CASZ1: variants seen among roughly 807,000 people sequenced by gnomAD.
CASZ1 encodes the protein castor zinc finger 1, also known as zinc finger protein castor homolog 1.
CASZ1 carries 28 observed loss-of-function variants against 135.2 expected under a neutral mutation model. The ratio of observed to expected loss-of-function variants is 0.21; its 90% CI spans 0.15 to 0.28. The LOEUF is 0.28. Among genes scored for constraint, CASZ1 ranks in the 10% least tolerant of loss-of-function variants. The pLI is 1.00. For synonymous variants in CASZ1, 1,068 were observed against 1,073.4 expected, an observed-to-expected ratio of 0.99 and a Z score of 0.10; for missense variants, 2,161 against 2,453.3, an observed-to-expected ratio of 0.88 and a Z score of 2.52.
intron 2 of CASZ1, among the ~76,000 whole-genome samples, chr1:10,746,801 C>G (rs1412686184): frequency 6.6e-6 from 1 of 152,232 alleles, no homozygotes. Context: ...AGAAAAAGCT[C>G]AGATCTGGAG....
intron 2 of CASZ1, among the ~76,000 whole-genome samples, chr1:10,736,707 G>A (rs1204849099): frequency 6.6e-6 from 1 of 152,232 alleles, no homozygotes; most frequent in Non-Finnish European, 1.5e-5. Context: ...GCCAGGCCAC[G>A]TGGGAAATAA....
rs1270421667 is a variant in CASZ1 at position 10,647,945 on chromosome 1, G to A, written c.3353C>T (p.Ala1118Val). The A allele has an allele frequency of 4.3e-6, 7 of 1,612,936 alleles. No individual in the cohort carries two copies. The highest frequency in any genetic ancestry group is 5.9e-6 in the Non-Finnish European group (7 of 1,179,498). Residue 1118 changes from alanine to valine, a missense_variant, in exon 16 of 21, where the codon GCC becomes GTC. Ala to Val is a moderately conservative substitution (Grantham distance 64). Transcript: ENST00000377022. The surrounding 1 kb of genome is among the most constrained non-coding windows in gnomAD (Gnocchi z 4.9). ...TATGGTGGAAGCCAGCTGCTTCCAG[G>A]CGAGCAGGGTGGGGGTGGAGGGCAC... is the stretch of plus-strand genomic sequence containing the variant. Reference protein sequence around the residue: ...ASVPSTPTLLAWKQLASTIPQ... With the variant: ...ASVPSTPTLLVWKQLASTIPQ...
chr1:10,640,192 G>A (rs1386378583), intron 20 of CASZ1, 133 bp from the exon 21 acceptor site: 4 of 1,335,176 alleles, frequency 3.0e-6, no homozygotes, highest in Admixed American at 4.9e-5. Flanking sequence ...GGCTTCCCCT[G>A]GCTTGGGAGG....
intron 4 of CASZ1, among the ~76,000 whole-genome samples, chr1:10,672,338 C>T (rs932412464): frequency 2.0e-5 from 3 of 151,816 alleles, no homozygotes; most frequent in Non-Finnish European, 2.9e-5. Flanking sequence ...AACGACTTTC[C>T]GATTCACTGC....
rs1191024983 is a variant in CASZ1, at chr1:10,776,979, T to C, written c.-233-16122A>G. On this transcript the variant is annotated intron_variant, in intron 1 of 20. Transcript: ENST00000377022. The surrounding 1 kb of genome is among the most constrained non-coding windows in gnomAD (Gnocchi z 4.1). ...CTTCCTGCAACTGGAGGAAGCATCATTCCATGTCTGGAACCGGCCAGCCTC... is the reference window on the plus strand; with the variant it reads ...CTTCCTGCAACTGGAGGAAGCATCACTCCATGTCTGGAACCGGCCAGCCTC... Among the ~76,000 whole-genome samples, 1 of 152,176 alleles carries C rather than the reference T, an allele frequency of 6.6e-6. No homozygotes were observed. The highest frequency in any genetic ancestry group is 2.4e-5 in the African/African-American group (1 of 41,430).
chr1:10,725,456 CAGTT>C lies in CASZ1; in HGVS notation c.-76-19916_-76-19913del, dbSNP rs1639579829. Among the ~76,000 whole-genome samples the C allele has an allele frequency of 6.6e-6, 1 of 152,116 alleles. No individual in the cohort carries two copies. The highest frequency in any genetic ancestry group is 1.5e-5 in the Non-Finnish European group (1 of 68,020). On this transcript the variant is annotated intron_variant, in intron 2 of 20. Coordinates refer to ENST00000377022, the MANE Select transcript of CASZ1 (RefSeq NM_001079843.3). This position sits in a 1 kb window ranked among gnomAD's most constrained non-coding sequence, Gnocchi z 4.4. ...GAGACACACTTTCCTCTTTGCCAGA[CAGTT>C]TGCAGATTGCTCTGTTGGCTCAATT...
chr1:10,647,663 C>T lies in CASZ1; in HGVS notation c.3497+138G>A. The T allele has an allele frequency of 6.7e-7, 1 of 1,491,346 alleles. No homozygotes were observed. Among genetic ancestry groups the T allele is most frequent in the East Asian group, 2.4e-5 (1 of 41,036 alleles). The allele number at this position is 1,491,346 out of a possible 1,614,324, so 92.4% of individuals were successfully genotyped here. A position where few individuals can be genotyped will look rare whatever the true frequency, so the allele number is the denominator to read the frequency against. ...AGCATCTTTGGCTAGAAGGACATCA[C>T]CCGATGGCCATGCCCCAGAGAGGCT... On this transcript the variant is annotated intron_variant, in intron 16 of 20. Coordinates refer to ENST00000377022, the MANE Select transcript of CASZ1 (RefSeq NM_001079843.3). The surrounding 1 kb of genome is among the most constrained non-coding windows in gnomAD (Gnocchi z 4.9).
chr1:10,671,263 C>G (rs116550987), intron 4 of CASZ1, among the ~76,000 whole-genome samples: 1 of 152,190 alleles, frequency 6.6e-6, no homozygotes, highest in Non-Finnish European at 1.5e-5. Context: ...AGAGTTACCA[C>G]CCAGGGGAGA....
In CASZ1 at chr1:10,755,715, G is replaced by A. The variant is rs959264617; in HGVS notation, c.-77+4986C>T. Among the ~76,000 whole-genome samples, 2 of 152,146 alleles carry A rather than the reference G, an allele frequency of 1.3e-5. No individual in the cohort carries two copies. Among genetic ancestry groups the A allele is most frequent in the Admixed American group, 6.5e-5 (1 of 15,284 alleles). The stretch of plus-strand genomic sequence containing the variant: ...CACCAGGTGGAACACTTGCCCAGAT[G>A]AGAAATCAGGAAGATCAATAACTCT... On this transcript the variant is annotated intron_variant, in intron 2 of 20. Transcript: ENST00000377022. This position sits in a 1 kb window ranked among gnomAD's most constrained non-coding sequence, Gnocchi z 4.3.
At position 10,653,789 on chromosome 1, in the gene CASZ1, G is replaced by C; in HGVS notation, c.2268C>G (p.Ala756=). ...QSSASLAAAT[A]ATEAGPSATK... is the part of the protein sequence containing the mutation. ...TGGCACTGGGCCCAGCCTCGGTGGC[G>C]GCAGTGGCGGCAGCCAGGGACGCAG... Residue 756 remains alanine (A), a synonymous_variant, in exon 11 of 21, where the codon GCC becomes GCG. Coordinates refer to ENST00000377022, the MANE Select transcript of CASZ1 (RefSeq NM_001079843.3). 1 of 1,609,946 alleles carries C rather than the reference G, an allele frequency of 6.2e-7. No homozygotes were observed. The highest frequency in any genetic ancestry group is 8.5e-7 in the Non-Finnish European group (1 of 1,177,916).
Position 10,739,765 on chromosome 1 carries a change from T to C in CASZ1, c.-77+20936A>G, listed in dbSNP as rs780341018. ...CTCTCTTTGGGGTTCTGGTTCCCGA[T>C]TAAACCTTGACCTCTCTAGCACATG... On this transcript the variant is annotated intron_variant, in intron 2 of 20. Coordinates refer to ENST00000377022, the MANE Select transcript of CASZ1 (RefSeq NM_001079843.3). The surrounding 1 kb of genome is among the most constrained non-coding windows in gnomAD (Gnocchi z 4.8). 6.6e-6 allele frequency among the ~76,000 whole-genome samples: 1 copy of C among 152,180 alleles called. No individual in the cohort carries two copies. The highest frequency in any genetic ancestry group is 1.5e-5 in the Non-Finnish European group (1 of 68,016).
In CASZ1 at chr1:10,717,579, C is replaced by A. The variant is rs1028250731; in HGVS notation, c.-76-12035G>T. ...CTCACCAGCCCCTGCCCCCTCCAAC[C>A]AGTTCAGATTTCCAGCTGCTCAGAC... On this transcript the variant is annotated intron_variant, in intron 2 of 20. Transcript: ENST00000377022. The surrounding 1 kb of genome is among the most constrained non-coding windows in gnomAD (Gnocchi z 4.6). Among the ~76,000 whole-genome samples, 5 of 152,186 alleles carry A rather than the reference C, an allele frequency of 3.3e-5. No homozygotes were observed. The highest frequency in any genetic ancestry group is 7.4e-5 in the Non-Finnish European group (5 of 68,026).
intron 4 of CASZ1, among the ~76,000 whole-genome samples, chr1:10,668,281 G>A (rs796391396): frequency 6.6e-6 from 1 of 152,214 alleles, no homozygotes; most frequent in South Asian, 2.1e-4. Context: ...CCAGACTCCT[G>A]TCCATGTAAA....
Position 10,667,000 on chromosome 1 carries a change from C to T in CASZ1, c.17-1429G>A, listed in dbSNP as rs1643256686. Among the ~76,000 whole-genome samples, 1 of 152,198 alleles carries T rather than the reference C, an allele frequency of 6.6e-6. No individual in the cohort carries two copies. The highest frequency in any genetic ancestry group is 2.4e-5 in the African/African-American group (1 of 41,440). On this transcript the variant is annotated intron_variant, in intron 4 of 20. Coordinates refer to ENST00000377022, the MANE Select transcript of CASZ1 (RefSeq NM_001079843.3). The surrounding 1 kb of genome is among the most constrained non-coding windows in gnomAD (Gnocchi z 5.2). ...GCCCTCACGGGAGGAATGGGCGTGT[C>T]AGAGTCTCCACATAGGCGGGAAGGC...
At position 10,646,148 on chromosome 1, in the gene CASZ1, G is replaced by C. The variant is rs1642357098; in HGVS notation, c.3676C>G (p.Gln1226Glu). ...CTGACCTGGTTGGGACAGAGACACT[G>C]CAGAGAGTAGTATGCAAACTGGTCT... ...VRDQFAYYSL[Q>E]CLCPNQHCEF... Residue 1226 changes from glutamine (Q) to glutamate (E), a missense_variant, in exon 17 of 21, where the codon CAG becomes GAG. Physicochemically the swap from Gln to Glu is conservative, Grantham distance 29 (BLOSUM62 2). This residue lies in a region of CASZ1 where 349 missense variants were observed against 460.8 expected (regional missense o/e 0.76). Transcript: ENST00000377022. The surrounding 1 kb of genome is among the most constrained non-coding windows in gnomAD (Gnocchi z 6.4). 1 of 1,614,040 alleles carries C rather than the reference G, an allele frequency of 6.2e-7. No homozygotes were observed. Among genetic ancestry groups the C allele is most frequent in the Non-Finnish European group, 8.5e-7 (1 of 1,180,036 alleles).
chr1:10,748,573 C>T (rs1640091744), intron 2 of CASZ1, among the ~76,000 whole-genome samples: 1 of 152,188 alleles, frequency 6.6e-6, no homozygotes, highest in Admixed American at 6.5e-5. Context: ...TGAACTGCAA[C>T]TCAGGTCAGC....
intron 2 of CASZ1, among the ~76,000 whole-genome samples, chr1:10,732,495 T>A (rs2100511646): frequency 6.6e-6 from 1 of 152,216 alleles, no homozygotes; most frequent in African/African-American, 2.4e-5. Flanking sequence ...GGAGTAGGGC[T>A]TCAGCTGCGA....
Position 10,660,171 on chromosome 1 carries a change from T to C in CASZ1, c.871A>G (p.Ile291Val). The C allele has an allele frequency of 6.2e-7, 1 of 1,613,826 alleles. No individual in the cohort carries two copies. ...CTGCTGTGCGACGGCAGGGGCAGGA[T>C]GGTGGCCTTGGTCTCCAGGTGGGCC... ...STAHLETKAT[I>V]LPLPSHSSVQ... The change falls in exon 6 of 21, where the codon ATC (isoleucine) becomes GTC (valine). Residue 291 changes from isoleucine to valine, a missense_variant. Physicochemically the swap from Ile to Val is conservative, Grantham distance 29 (BLOSUM62 3). This residue lies in a region of CASZ1 where 590 missense variants were observed against 609.8 expected (regional missense o/e 0.97). Coordinates refer to ENST00000377022, the MANE Select transcript of CASZ1 (RefSeq NM_001079843.3).
rs527534026 is a variant in CASZ1 at position 10,711,167 on chromosome 1, C to G, written c.-76-5623G>C. On this transcript the variant is annotated intron_variant, in intron 2 of 20. Transcript: ENST00000377022. The surrounding 1 kb of genome is among the most constrained non-coding windows in gnomAD (Gnocchi z 4.4). ...AAAGAAAAAGACAGCATACAAAAGT[C>G]GAGTTGGTGAGAATTGAGTTTGAAT... Among the ~76,000 whole-genome samples, 1 of 152,152 alleles carries G rather than the reference C, an allele frequency of 6.6e-6. No individual in the cohort carries two copies. Among genetic ancestry groups the G allele is most frequent in the Non-Finnish European group, 1.5e-5 (1 of 68,034 alleles).
Sources: gnomAD v4.1 joint callset for allele counts (sites outside exome capture counted in the v4.1 genomes callset) on GRCh38, gnomAD v4.1.1 for gene constraint, gnomAD v4.1.1 regional missense constraint, Gnocchi (gnomAD v3.1) non-coding constraint, MANE v1.5 for transcripts, NCBI Gene and HGNC (gene_info 2026-07-23, HGNC 2026-07-21) for gene names.